The following EIF2AK2 variants were observed in gnomAD, a reference collection of about 807,000 sequenced individuals.
EIF2AK2 encodes eukaryotic translation initiation factor 2 alpha kinase 2.
A neutral mutation model predicts 70.5 loss-of-function variants in EIF2AK2; 40 were observed. The observed-to-expected ratio is 0.57, with a 90% CI of 0.44 to 0.74. The LOEUF (loss-of-function observed/expected upper bound fraction) is 0.74. Among genes scored for constraint, EIF2AK2 ranks in the 30% least tolerant of loss-of-function variants. EIF2AK2 has a pLI of 0.00. For synonymous variants in EIF2AK2, 198 were observed against 220.9 expected, an observed-to-expected ratio of 0.90 and a Z score of 0.92; for missense variants, 555 against 644.3, an observed-to-expected ratio of 0.86 and a Z score of 1.50.
At chr2:37,128,625 A>T (rs1340430122) in intron 10 of EIF2AK2, among the ~76,000 whole-genome samples, 3 of 152,234 alleles carry the variant, frequency 2.0e-5, no homozygotes, top group Admixed American at 6.5e-5. Context: ...CTGTTGAATG[A>T]ACAACACATC....
intron 13 of EIF2AK2, among the ~76,000 whole-genome samples, chr2:37,116,994 G>A (rs889355040): frequency 6.6e-6 from 1 of 152,002 alleles, no homozygotes; most frequent in Non-Finnish European, 1.5e-5. Flanking sequence ...GGCAGACAGC[G>A]TGGGCCCATC....
intron 1 of EIF2AK2, among the ~76,000 whole-genome samples, chr2:37,156,095 T>G (rs1675913031): frequency 6.6e-6 from 1 of 152,080 alleles, no homozygotes; most frequent in African/African-American, 2.4e-5. Context: ...TAAGCTGGCA[T>G]GGGAAGCAGT....
intron 5 of EIF2AK2, 94 bp downstream of exon 5, chr2:37,141,459 A>G: frequency 6.8e-7 from 1 of 1,461,508 alleles, no homozygotes; most frequent in South Asian, 1.3e-5. Flanking sequence ...AATGCTTAAA[A>G]GGACACATAT....
rs1054343522 is a variant in EIF2AK2, at chr2:37,101,696, A to G, written c.*5577T>C. On this transcript the variant is annotated 3_prime_UTR_variant, in exon 17 of 17. Coordinates refer to ENST00000233057, the MANE Select transcript of EIF2AK2 (RefSeq NM_001135651.3). ...TCCACAGGACAAATAAAAGCCGAAA[A>G]GAACTAAAACGCAGGGGTAAATTTT... 5 of 152,232 alleles carry G rather than the reference A, an allele frequency of 3.3e-5. No individual in the cohort carries two copies. The highest frequency in any genetic ancestry group is 1.2e-4 in the African/African-American group (5 of 41,468). 9.4% of individuals were successfully genotyped at this position (152,232 alleles called of 1,614,324 possible).
intron 10 of EIF2AK2, among the ~76,000 whole-genome samples, chr2:37,133,983 G>A (rs1484595022): frequency 6.6e-6 from 1 of 151,992 alleles, no homozygotes; most frequent in Non-Finnish European, 1.5e-5. Context: ...AAACTAGAAC[G>A]TTCTATAAAC....
chr2:37,128,198 A>C (rs1674810566), intron 10 of EIF2AK2, among the ~76,000 whole-genome samples: 2 of 152,208 alleles, frequency 1.3e-5, no homozygotes, highest in Admixed American at 1.3e-4. Flanking sequence ...TGTTTTTTAA[A>C]GTTTTATATT....
At chr2:37,137,052 G>A (rs1246627334) in intron 8 of EIF2AK2, 35 bp from the exon 9 acceptor site, 3 of 1,561,602 alleles carry the variant, frequency 1.9e-6, no homozygotes, top group Non-Finnish European at 2.6e-6. Context: ...AGTTTCAGAT[G>A]ACTAAATCAG....
At chr2:37,151,928 C>T (rs1275874964) in intron 1 of EIF2AK2, among the ~76,000 whole-genome samples, 2 of 152,158 alleles carry the variant, frequency 1.3e-5, no homozygotes, top group Non-Finnish European at 2.9e-5. Flanking sequence ...TAGCCGGGCG[C>T]GGTGGCGCGC....
chr2:37,114,682 TTTC>T, intron 14 of EIF2AK2, 46 bp downstream of exon 14: 1 of 1,450,556 alleles, frequency 6.9e-7, no homozygotes, highest in African/African-American at 1.4e-5. Flanking sequence ...TTTTTATAAT[TTTC>T]AAAATAAAAG....
chr2:37,111,875 AAAAATATATATATATATATATAT>A (rs1233362767), intron 14 of EIF2AK2, among the ~76,000 whole-genome samples: 6 of 40,158 alleles, frequency 1.5e-4, no homozygotes, highest in African/African-American at 2.3e-4. Flanking sequence ...AAAAAAAAAA[AAAAATATATATATATATATATAT>A]ATATATATAT....
intron 6 of EIF2AK2, 25 bp downstream of exon 6, chr2:37,139,606 A>C (rs781523085): frequency 3.1e-6 from 5 of 1,601,194 alleles, no homozygotes; most frequent in Middle Eastern, 3.3e-4. Flanking sequence ...AAAACATAAA[A>C]ATTTAATCCA....
At chr2:37,109,345 T>C (rs758811391) in intron 14 of EIF2AK2, 50 bp from the exon 15 acceptor site, 36 of 1,538,724 alleles carry the variant, frequency 2.3e-5, no homozygotes, top group Non-Finnish European at 3.2e-5. Flanking sequence ...TACATAAATA[T>C]CCAGCCTTCT....
At chr2:37,148,618 G>T in intron 2 of EIF2AK2, 1 of 846,654 alleles carries the variant, frequency 1.2e-6, no homozygotes, top group East Asian at 2.5e-5. Context: ...TTAAGATGTT[G>T]CAAGAATTGT....
intron 14 of EIF2AK2, among the ~76,000 whole-genome samples, chr2:37,112,336 G>A (rs1213226987): frequency 6.6e-6 from 1 of 152,134 alleles, no homozygotes; most frequent in African/African-American, 2.4e-5. Flanking sequence ...GGGGTCATTT[G>A]TTACCACAGC....
intron 4 of EIF2AK2, among the ~76,000 whole-genome samples, chr2:37,144,149 G>A (rs1279047470): frequency 6.6e-6 from 1 of 152,032 alleles, no homozygotes; most frequent in Admixed American, 6.6e-5. Context: ...ATATTGCCCA[G>A]GATAATTTTA....
chr2:37,136,756 T>C (rs1375047167), intron 9 of EIF2AK2: 1 of 326,554 alleles, frequency 3.1e-6, no homozygotes, highest in Non-Finnish European at 5.7e-6. Context: ...CTTAACCTAA[T>C]TACTCTAGCG....
At chr2:37,145,017 A>C (rs943356258) in intron 4 of EIF2AK2, among the ~76,000 whole-genome samples, 1 of 151,996 alleles carries the variant, frequency 6.6e-6, no homozygotes, top group African/African-American at 2.4e-5. Context: ...TTTTACAACA[A>C]AGTTTAAAAG....
chr2:37,121,771 G>A (rs190460210), intron 12 of EIF2AK2, among the ~76,000 whole-genome samples: 9 of 151,954 alleles, frequency 5.9e-5, no homozygotes, highest in African/African-American at 1.7e-4. Context: ...GTATGCTGAC[G>A]GTCAATAACT....
At chr2:37,135,774 G>T (rs1462238371) in intron 9 of EIF2AK2, among the ~76,000 whole-genome samples, 1 of 152,130 alleles carries the variant, frequency 6.6e-6, no homozygotes, top group South Asian at 2.1e-4. Context: ...GGGATTACAG[G>T]CATGTGCCAC....
Sources: allele counts gnomAD v4.1 joint callset (sites outside exome capture counted in the v4.1 genomes callset), GRCh38; gene constraint gnomAD v4.1.1; transcripts MANE v1.5; gene names NCBI Gene and HGNC (gene_info 2026-07-23, HGNC 2026-07-21).